SMG1: variants seen among roughly 807,000 people sequenced by gnomAD.
The protein encoded by SMG1 is SMG1 nonsense mediated mRNA decay associated PI3K related kinase, also known as serine/threonine-protein kinase SMG1.
SMG1 carries 22 observed loss-of-function variants against 419.9 expected under a neutral mutation model. That is an observed-to-expected ratio of 0.05 (90% CI 0.04 to 0.07). SMG1 has a LOEUF of 0.07. Among genes scored for constraint, SMG1 ranks in the 10% least tolerant of loss-of-function variants. The pLI, the probability that SMG1 is intolerant of heterozygous loss-of-function variation, is 1.00. For synonymous variants in SMG1, 1,538 were observed against 1,553.5 expected, an observed-to-expected ratio of 0.99 and a Z score of 0.23; for missense variants, 3,185 against 4,342.0, an observed-to-expected ratio of 0.73 and a Z score of 7.49.
chr16:18,811,891 T>G (rs552909710), intron 61 of SMG1, 24 bp from the exon 62 acceptor site: 27 of 1,613,496 alleles, frequency 1.7e-5, no homozygotes, highest in Non-Finnish European at 2.3e-5. Context: ...AAAACATACG[T>G]AAGTCAAACC....
At position 18,847,470 on chromosome 16, in the gene SMG1, G is replaced by T. The variant is rs1298119210; in HGVS notation, c.5979C>A (p.Asn1993Lys). 1 of 1,614,040 alleles carries T rather than the reference G, an allele frequency of 6.2e-7. No individual in the cohort carries two copies. The highest frequency in any genetic ancestry group is 8.5e-7 in the Non-Finnish European group (1 of 1,179,892). The change falls in exon 38 of 63, where the codon AAC (asparagine) becomes AAA (lysine). Residue 1993 changes from asparagine to lysine, a missense_variant. Physicochemically the swap from Asn to Lys is moderately conservative, Grantham distance 94 (BLOSUM62 0). Coordinates refer to ENST00000446231, the MANE Select transcript of SMG1 (RefSeq NM_015092.5). ...AAACATACTTGCGTAAGGTGTTGTT[G>T]TTCTGGACTCTCTTCACCTCATCTT... ...QLEDEVKRVQ[N>K]NNTLRKEEKI...
intron 6 of SMG1, 148 bp from the exon 7 acceptor site, chr16:18,885,814 AT>A (rs2036587623): frequency 3.7e-5 from 26 of 694,992 alleles, no homozygotes; most frequent in Admixed American, 1.9e-4. Flanking sequence ...AAAAAAAAAA[AT>A]TGACTTGTAA....
intron 23 of SMG1, chr16:18,866,332 A>G (rs1428103594): frequency 4.5e-6 from 2 of 448,612 alleles, no homozygotes; most frequent in Admixed American, 3.7e-5. Flanking sequence ...TCAGACTCTG[A>G]GGGGGAAGGA....
chr16:18,895,039 G>T (rs1329189661), intron 3 of SMG1, among the ~76,000 whole-genome samples: 1 of 151,832 alleles, frequency 6.6e-6, no homozygotes, highest in Non-Finnish European at 1.5e-5. Flanking sequence ...GGATGGTCTC[G>T]ATCTCCTGAC....
intron 51 of SMG1, among the ~76,000 whole-genome samples, chr16:18,832,227 A>C (rs2033235332): frequency 6.6e-6 from 1 of 152,190 alleles, no homozygotes; most frequent in South Asian, 2.1e-4. Flanking sequence ...GCCAAAGAAA[A>C]GAGGCCCTGA....
intron 1 of SMG1, among the ~76,000 whole-genome samples, chr16:18,908,352 G>A (rs2037655343): frequency 1.4e-5 from 2 of 147,994 alleles, no homozygotes; most frequent in East Asian, 4.0e-4. Flanking sequence ...AGAACAGAGT[G>A]AGACTCAGTC....
intron 58 of SMG1, chr16:18,816,059 G>A (rs1167313228): frequency 3.8e-6 from 2 of 523,626 alleles, no homozygotes; most frequent in East Asian, 3.4e-5. Context: ...TTTATTACAA[G>A]TTATATCACA....
intron 6 of SMG1, among the ~76,000 whole-genome samples, chr16:18,888,956 G>A (rs1351203159): frequency 6.6e-6 from 1 of 150,980 alleles, no homozygotes; most frequent in Non-Finnish European, 1.5e-5. Context: ...CCAATTAGCT[G>A]AGACTACAGG....
rs2035170381 is a variant in SMG1 at position 18,860,722 on chromosome 16, T to C, written c.3750A>G (p.Glu1250=). The C allele has an allele frequency of 1.3e-6, 2 of 1,559,476 alleles. No individual in the cohort carries two copies. Among genetic ancestry groups the C allele is most frequent in the Non-Finnish European group, 1.7e-6 (2 of 1,150,210 alleles). Residue 1250 remains glutamate, a synonymous_variant, in exon 26 of 63, where the codon GAA becomes GAG. Coordinates refer to ENST00000446231, the MANE Select transcript of SMG1 (RefSeq NM_015092.5). ...GKFVECTEQL[E]LLPGENINLL... ...GATTGATATTTTCTCCTGGTAACAA[T>C]TCTAACTGCTCGGTACATTCAACAA...
At chr16:18,921,828 C>T (rs981770858) in intron 1 of SMG1, among the ~76,000 whole-genome samples, 2 of 152,152 alleles carry the variant, frequency 1.3e-5, no homozygotes, top group Non-Finnish European at 2.9e-5. Flanking sequence ...CTTGGTCTTT[C>T]ACAACAGAGA....
rs1175307196 is a variant in SMG1, at chr16:18,830,130, G to A, written c.8944-15C>T. ...ATCTTGTTCAACTATGTAAATGAAA[G>A]AAAACAAAGTTCATTTCTCCACTCT... On this transcript the variant is annotated splice_polypyrimidine_tract_variant and intron_variant, in intron 52 of 62. Coordinates refer to ENST00000446231, the MANE Select transcript of SMG1 (RefSeq NM_015092.5). The A allele has an allele frequency of 3.8e-6, 6 of 1,599,906 alleles. No homozygotes were observed. Among genetic ancestry groups the A allele is most frequent in the Non-Finnish European group, 5.1e-6 (6 of 1,172,180 alleles).
rs1430951490 is a variant in SMG1, at chr16:18,806,370, A to G, written c.*3199T>C. 3 of 152,612 alleles carry G rather than the reference A, an allele frequency of 2.0e-5. No individual in the cohort carries two copies. Among genetic ancestry groups the G allele is most frequent in the Admixed American group, 1.3e-4 (2 of 15,272 alleles). 9.5% of individuals were successfully genotyped at this position (152,612 alleles called of 1,614,324 possible). On this transcript the variant is annotated 3_prime_UTR_variant, in exon 63 of 63. Coordinates refer to ENST00000446231, the MANE Select transcript of SMG1 (RefSeq NM_015092.5). ...CTGGGGTTTGGGCTCTAAAAAAGTAATTTAGGGAAGCAGATCAAGAGCCTG... is the reference window on the plus strand; with the variant it reads ...CTGGGGTTTGGGCTCTAAAAAAGTAGTTTAGGGAAGCAGATCAAGAGCCTG...
At chr16:18,834,520 T>C (rs2033426872) in intron 49 of SMG1, 82 bp from the exon 50 acceptor site, 1 of 1,342,866 alleles carries the variant, frequency 7.4e-7, no homozygotes, top group Non-Finnish European at 1.0e-6. Flanking sequence ...GCCATGCCTG[T>C]AATTCCAGCA....
At position 18,872,656 on chromosome 16, in the gene SMG1, G is replaced by A. The variant is rs1294038846; in HGVS notation, c.1891-32C>T. ...ATGTACAAAACAAAGTAAGTTTATGGCTTCTCCAAAATAAGCACAAGCATA... is the reference window on the plus strand; with the variant it reads ...ATGTACAAAACAAAGTAAGTTTATGACTTCTCCAAAATAAGCACAAGCATA... On this transcript the variant is annotated intron_variant, in intron 13 of 62. Coordinates refer to ENST00000446231, the MANE Select transcript of SMG1 (RefSeq NM_015092.5). 3 of 1,343,106 alleles carry A rather than the reference G, an allele frequency of 2.2e-6. No homozygotes were observed. The Admixed American group carries it at 8.1e-5, about 36-fold the overall frequency. 83.2% of individuals were successfully genotyped at this position (1,343,106 alleles called of 1,614,324 possible). A position where few individuals can be genotyped will look rare whatever the true frequency, so the allele number is the denominator to read the frequency against.
At chr16:18,814,501 C>T (rs905936384) in intron 60 of SMG1, among the ~76,000 whole-genome samples, 10 of 151,802 alleles carry the variant, frequency 6.6e-5, no homozygotes, top group East Asian at 5.8e-4. Context: ...TTTGAGACTC[C>T]GCCTCAAACA....
chr16:18,863,542 T>A, intron 25 of SMG1, 108 bp downstream of exon 25: 1 of 1,004,768 alleles, frequency 1.0e-6, no homozygotes, highest in Non-Finnish European at 1.5e-6. Context: ...GTTAGATATA[T>A]AACCATTTTG....
chr16:18,857,385 T>C (rs2034971422), intron 29 of SMG1: 1 of 152,226 alleles, frequency 6.6e-6, no homozygotes, highest in African/African-American at 2.4e-5. Context: ...TCAATATTCA[T>C]AGCGCATTTT....
rs535945276 is a variant in SMG1, at chr16:18,860,816, C to G, written c.3696-40G>C. 109 of 823,520 alleles carry G rather than the reference C, an allele frequency of 1.3e-4. No homozygotes were observed. The African/African-American group carries it at 1.4e-3, about 11-fold the overall frequency. The allele number at this position is 823,520 out of a possible 1,614,324, so 51.0% of individuals were successfully genotyped here. On this transcript the variant is annotated intron_variant, in intron 25 of 62. Coordinates refer to ENST00000446231, the MANE Select transcript of SMG1 (RefSeq NM_015092.5). ...TTGGTTAGCTTGTATTCCTATGCAG[C>G]CTGTGGAACCATTAAAAAAAAACAA... is the stretch of plus-strand genomic sequence containing the variant.
chr16:18,907,244 T>C (rs2037598549), intron 1 of SMG1, among the ~76,000 whole-genome samples: 1 of 151,300 alleles, frequency 6.6e-6, no homozygotes. Context: ...ACTGCGCCAA[T>C]GCACTCCAGC....
Sources: gnomAD v4.1 joint callset for allele counts (sites outside exome capture counted in the v4.1 genomes callset) on GRCh38, gnomAD v4.1.1 for gene constraint, MANE v1.5 for transcripts, NCBI Gene and HGNC (gene_info 2026-07-23, HGNC 2026-07-21) for gene names.